The following DCC variants were observed in gnomAD, a reference collection of about 807,000 sequenced individuals.
The protein encoded by DCC is DCC netrin 1 receptor.
In DCC, 58 loss-of-function variants were observed where a neutral mutation model predicts 172.5. That is an observed-to-expected ratio of 0.34 (90% CI 0.27 to 0.42). The LOEUF is 0.42. Among genes scored for constraint, DCC ranks in the 10% least tolerant of loss-of-function variants. DCC has a pLI of 1.00. For missense variants in DCC, 1,740 were observed against 1,791.0 expected (o/e 0.97, Z 0.51); for synonymous variants, 709 against 644.5 (o/e 1.10, Z -1.52).
At chr18:53,192,808 T>C (rs1254317457) in intron 9 of DCC, among the ~76,000 whole-genome samples, 1 of 152,164 alleles carries the variant, frequency 6.6e-6, no homozygotes, top group Non-Finnish European at 1.5e-5. Context: ...GGCAAACCTG[T>C]GAATTCACTC....
chr18:52,536,513 T>G (rs1293781032), intron 1 of DCC, among the ~76,000 whole-genome samples: 2 of 152,056 alleles, frequency 1.3e-5, no homozygotes, highest in Non-Finnish European at 2.9e-5. Flanking sequence ...AGCATAAAAA[T>G]TCTCAGTAAA....
chr18:52,856,972 G>A (rs1336561895), intron 2 of DCC, among the ~76,000 whole-genome samples: 1 of 152,062 alleles, frequency 6.6e-6, no homozygotes. Flanking sequence ...ATGAGTGTGG[G>A]TCTCAGCTTT....
At chr18:52,397,030 G>GA (rs1986256753) in intron 1 of DCC, among the ~76,000 whole-genome samples, 2 of 151,990 alleles carry the variant, frequency 1.3e-5, no homozygotes, top group East Asian at 1.9e-4. Context: ...TTTTCCTTTA[G>GA]AAAAAATGTT....
intron 2 of DCC, among the ~76,000 whole-genome samples, chr18:52,860,289 A>T (rs922390046): frequency 2.0e-5 from 3 of 152,228 alleles, no homozygotes; most frequent in African/African-American, 7.2e-5. Flanking sequence ...GCTTATATAT[A>T]AGTTGCTCCG....
At chr18:53,412,899 T>TACCTAC (rs1305317873) in intron 20 of DCC, among the ~76,000 whole-genome samples, 24 of 152,316 alleles carry the variant, frequency 1.6e-4, no homozygotes, top group African/African-American at 4.8e-4. Flanking sequence ...GGTACACATA[T>TACCTAC]ATGATGTATC....
intron 7 of DCC, among the ~76,000 whole-genome samples, chr18:53,085,282 T>A (rs1339609432): frequency 1.3e-5 from 2 of 151,920 alleles, no homozygotes; most frequent in African/African-American, 4.8e-5. Flanking sequence ...CAAGACCACA[T>A]AGAAGAAGAA....
chr18:53,148,298 G>C (rs147346472), intron 7 of DCC, among the ~76,000 whole-genome samples: 285 of 152,276 alleles, frequency 1.9e-3, no homozygotes, highest in South Asian at 4.8e-3. Context: ...GGGATGAGGG[G>C]AAGGATGGTG....
intron 1 of DCC, among the ~76,000 whole-genome samples, chr18:52,493,519 G>C (rs188014200): frequency 6.6e-6 from 1 of 151,998 alleles, no homozygotes; most frequent in Non-Finnish European, 1.5e-5. Flanking sequence ...TATTTGCATG[G>C]TGAATCATTT....
intron 1 of DCC, among the ~76,000 whole-genome samples, chr18:52,492,156 T>C (rs1267648635): frequency 6.6e-6 from 1 of 151,968 alleles, no homozygotes; most frequent in African/African-American, 2.4e-5. Context: ...GTAGGAAATT[T>C]GCATTCATTA....
chr18:52,534,400 C>T (rs1257470207), intron 1 of DCC, among the ~76,000 whole-genome samples: 1 of 152,110 alleles, frequency 6.6e-6, no homozygotes, highest in Non-Finnish European at 1.5e-5. Flanking sequence ...CATTTCCCTA[C>T]AGACCCCAAC....
chr18:52,422,366 G>A (rs1249851700), intron 1 of DCC, among the ~76,000 whole-genome samples: 1 of 152,120 alleles, frequency 6.6e-6, no homozygotes, highest in Non-Finnish European at 1.5e-5. Flanking sequence ...TGTCAGTGGA[G>A]CTCTTAGTCC....
At position 52,928,838 on chromosome 18, in the gene DCC, C is replaced by T. The variant is rs561434060; in HGVS notation, c.985+3468C>T. Reference sequence around the variant, plus strand: ...CCATGGTTTGCATCTGCATGGGAGGCACATGCCCATCTGGACATGGGCAGT... The same window carrying T: ...CCATGGTTTGCATCTGCATGGGAGGTACATGCCCATCTGGACATGGGCAGT... On this transcript the variant is annotated intron_variant, in intron 5 of 28. Transcript: ENST00000442544. Among the ~76,000 whole-genome samples the T allele has an allele frequency of 2.6e-5, 4 of 152,206 alleles. No homozygotes were observed. The South Asian group carries it at 6.2e-4, about 24-fold the overall frequency.
At chr18:52,902,314 T>G (rs949350610) in intron 2 of DCC, among the ~76,000 whole-genome samples, 1 of 152,142 alleles carries the variant, frequency 6.6e-6, no homozygotes, top group African/African-American at 2.4e-5. Context: ...TTTAGTGATG[T>G]AGGAGCACTG....
At chr18:53,226,948 A>ATATATATATTTTTTTTTTTTTTTTTTTT in intron 12 of DCC, among the ~76,000 whole-genome samples, 1 of 52,952 alleles carries the variant, frequency 1.9e-5, no homozygotes, top group African/African-American at 9.4e-5. Flanking sequence ...ATATATATAT[A>ATATATATATTTTTTTTTTTTTTTTTTTT]TTTTTTTTTT....
chr18:52,469,351 G>C (rs1004100658), intron 1 of DCC, among the ~76,000 whole-genome samples: 5 of 152,122 alleles, frequency 3.3e-5, no homozygotes, highest in African/African-American at 1.2e-4. Context: ...AGGATTACAG[G>C]CATGAACCAC....
At chr18:52,961,790 C>G (rs1172740751) in intron 5 of DCC, among the ~76,000 whole-genome samples, 1 of 152,016 alleles carries the variant, frequency 6.6e-6, no homozygotes, top group African/African-American at 2.4e-5. Flanking sequence ...ACAGAGCCCT[C>G]AGAAATAATG....
chr18:52,989,639 G>A (rs946527737), intron 5 of DCC, among the ~76,000 whole-genome samples: 1 of 152,136 alleles, frequency 6.6e-6, no homozygotes, highest in African/African-American at 2.4e-5. Context: ...ATATAGATAA[G>A]ATATGAATCT....
At chr18:53,458,063 A>G (rs901445219) in intron 23 of DCC, among the ~76,000 whole-genome samples, 1 of 152,194 alleles carries the variant, frequency 6.6e-6, no homozygotes, top group African/African-American at 2.4e-5. Flanking sequence ...TGTATGAACT[A>G]TTGAGCAGCC....
chr18:52,716,507 T>A (rs1459441003), intron 1 of DCC, among the ~76,000 whole-genome samples: 2 of 152,216 alleles, frequency 1.3e-5, no homozygotes, highest in Non-Finnish European at 2.9e-5. Context: ...TGGCTTGTGA[T>A]TGAGGTTCTG....
Sources: allele counts gnomAD v4.1 joint callset (sites outside exome capture counted in the v4.1 genomes callset), GRCh38; gene constraint gnomAD v4.1.1; transcripts MANE v1.5; gene names NCBI Gene and HGNC (gene_info 2026-07-23, HGNC 2026-07-21).